The following MAOA variants were observed in gnomAD, a reference collection of about 807,000 sequenced individuals.
The protein encoded by MAOA is monoamine oxidase A.
Under a neutral mutation model 42.0 loss-of-function variants are expected in MAOA, and 6 were observed. That is an observed-to-expected ratio of 0.14 (90% CI 0.08 to 0.28). The LOEUF (loss-of-function observed/expected upper bound fraction) is 0.28. Among genes scored for constraint, MAOA ranks in the 10% least tolerant of loss-of-function variants. MAOA has a pLI of 1.00. For synonymous variants in MAOA, 140 were observed against 154.0 expected (o/e 0.91, Z 0.67); for missense variants, 262 against 422.3 (o/e 0.62, Z 3.33).
intron 10 of MAOA, among the ~76,000 whole-genome samples, chrX:43,737,942 T>G (rs1476737942): frequency 8.9e-6 from 1 of 112,066 alleles, no homozygotes; most frequent in African/African-American, 3.2e-5. Context: ...TTCCACACAG[T>G]GGCTGAACTT....
intron 1 of MAOA, among the ~76,000 whole-genome samples, chrX:43,667,704 A>G (rs751513033): frequency 4.5e-5 from 5 of 111,606 alleles, no homozygotes; most frequent in Non-Finnish European, 9.4e-5. Context: ...CAGTACATTC[A>G]AGTGAGTGTA....
chrX:43,743,672 G>A (rs2033977062), intron 12 of MAOA, 122 bp from the exon 13 acceptor site: 12 of 848,095 alleles, frequency 1.4e-5, no homozygotes, highest in South Asian at 1.3e-4. Flanking sequence ...TAAGTCATAC[G>A]GGTGTTTTTT....
chrX:43,663,431 T>C (rs1268960123), intron 1 of MAOA, among the ~76,000 whole-genome samples: 1 of 112,036 alleles, frequency 8.9e-6, no homozygotes, highest in Non-Finnish European at 1.9e-5. Context: ...GAAGTAATTA[T>C]ATATTAACCA....
Position 43,732,867 on chromosome X carries a change from A to G in MAOA, c.1052+72A>G. 4 of 686,737 alleles carry G rather than the reference A, an allele frequency of 5.8e-6. No individual in the cohort carries two copies. In the South Asian group the frequency reaches 8.5e-5, roughly 15 times the overall value. 56.6% of individuals were successfully genotyped at this position (686,737 alleles called of 1,213,427 possible). The stretch of plus-strand genomic sequence containing the variant: ...ATTGGTGTGGATGCTGTCAAAGTAT[A>G]TTACTTTGGAATTAAGTTCAAGCAA... On this transcript the variant is annotated intron_variant, in intron 9 of 14. Coordinates refer to ENST00000338702, the MANE Select transcript of MAOA (RefSeq NM_000240.4).
intron 1 of MAOA, among the ~76,000 whole-genome samples, chrX:43,657,039 TA>T (rs745497803): frequency 2.9e-4 from 27 of 93,634 alleles, no homozygotes; most frequent in African/African-American, 3.5e-4. Context: ...AAGAAAAGGT[TA>T]AAAAAAAAAA....
At chrX:43,662,003 G>A (rs2033237425) in intron 1 of MAOA, among the ~76,000 whole-genome samples, 1 of 111,554 alleles carries the variant, frequency 9.0e-6, no homozygotes, top group Admixed American at 9.6e-5. Context: ...TCAGCATTCC[G>A]ATGATTGAGT....
chrX:43,737,921 T>C (rs768727591), intron 10 of MAOA, among the ~76,000 whole-genome samples: 4 of 111,903 alleles, frequency 3.6e-5, no homozygotes, highest in Non-Finnish European at 5.6e-5. Context: ...TAGGTAGACA[T>C]TTGGTTATGA....
intron 6 of MAOA, among the ~76,000 whole-genome samples, chrX:43,730,582 C>T (rs769827289): frequency 9.5e-6 from 1 of 105,003 alleles, no homozygotes; most frequent in South Asian, 4.6e-4. Flanking sequence ...ACCTCCGCCT[C>T]CTGGGTTCAA....
chrX:43,693,780 T>TACAC (rs112883967), intron 3 of MAOA, among the ~76,000 whole-genome samples: 1,397 of 102,444 alleles, frequency 0.014, 24 homozygotes, highest in African/African-American at 0.046. Context: ...AACAGACATG[T>TACAC]ACACACACAC....
intron 5 of MAOA, among the ~76,000 whole-genome samples, chrX:43,722,747 A>G (rs1418929625): frequency 8.9e-6 from 1 of 112,022 alleles, no homozygotes; most frequent in East Asian, 2.8e-4. Flanking sequence ...TGTTTTAGTT[A>G]TGAAGTCTTT....
chrX:43,655,746 C>G (rs1016646319), upstream of MAOA: 1 of 114,218 alleles, frequency 8.8e-6, no homozygotes, highest in African/African-American at 3.3e-5. Context: ...GATATTTGTA[C>G]GGGGACCTCC....
intron 3 of MAOA, among the ~76,000 whole-genome samples, chrX:43,706,132 T>C (rs1477151177): frequency 8.9e-6 from 1 of 112,173 alleles, no homozygotes. Context: ...AAGAAAATGT[T>C]CTAAAATGAG....
chrX:43,688,548 C>G (rs141170608), intron 2 of MAOA, among the ~76,000 whole-genome samples: 56 of 112,337 alleles, frequency 5.0e-4, no homozygotes, highest in African/African-American at 1.6e-3. Flanking sequence ...TTCGTCATCA[C>G]TGCATTGTGG....
Position 43,656,433 on chromosome X carries a change from G to A in MAOA, c.73+19G>A. Reference sequence around the variant, plus strand: ...ATTTCAGGTCAGTGTGGACCGTAGCGGTGGCCTGGGGGACCCTGGCCAGTG... The same window carrying A: ...ATTTCAGGTCAGTGTGGACCGTAGCAGTGGCCTGGGGGACCCTGGCCAGTG... On this transcript the variant is annotated intron_variant, in intron 1 of 14. Transcript: ENST00000338702. 1 of 1,195,469 alleles carries A rather than the reference G, an allele frequency of 8.4e-7. No homozygotes were observed. The highest frequency in any genetic ancestry group is 1.1e-6 in the Non-Finnish European group (1 of 880,984).
At chrX:43,655,687 C>A (rs371096478), upstream of MAOA, 3 of 114,189 alleles carry the variant, frequency 2.6e-5, no homozygotes, top group East Asian at 5.5e-4. Flanking sequence ...GTAAAAGGAC[C>A]GACCCTGCCC....
intron 3 of MAOA, among the ~76,000 whole-genome samples, chrX:43,704,476 A>G (rs1378956671): frequency 9.0e-6 from 1 of 111,353 alleles, no homozygotes; most frequent in Non-Finnish European, 1.9e-5. Flanking sequence ...CTAAGAATAG[A>G]GGAGAACTTC....
At chrX:43,674,549 C>T (rs1371556081) in intron 1 of MAOA, among the ~76,000 whole-genome samples, 6 of 110,982 alleles carry the variant, frequency 5.4e-5, no homozygotes, top group African/African-American at 2.0e-4. Context: ...TCTCAATGGT[C>T]TTTACATTTT....
intron 1 of MAOA, among the ~76,000 whole-genome samples, chrX:43,666,297 A>G (rs1490512294): frequency 9.0e-6 from 1 of 110,946 alleles, no homozygotes; most frequent in Non-Finnish European, 1.9e-5. Flanking sequence ...TTTCCCCATA[A>G]CTCTTCTTCC....
chrX:43,678,768 C>T (rs1388651312), intron 1 of MAOA, among the ~76,000 whole-genome samples: 5 of 111,753 alleles, frequency 4.5e-5, no homozygotes, highest in African/African-American at 6.5e-5. Flanking sequence ...CAGATAGCCA[C>T]AGTTATTACA....
Sources: gnomAD v4.1 joint callset for allele counts (sites outside exome capture counted in the v4.1 genomes callset) on GRCh38, gnomAD v4.1.1 for gene constraint, MANE v1.5 for transcripts, NCBI Gene and HGNC (gene_info 2026-07-23, HGNC 2026-07-21) for gene names.